The following ENPP1 variants were observed in gnomAD, a reference collection of about 807,000 sequenced individuals.
The protein encoded by ENPP1 is ectonucleotide pyrophosphatase/phosphodiesterase family member 1.
ENPP1 carries 73 observed loss-of-function variants against 122.8 expected under a neutral mutation model. The ratio of observed to expected loss-of-function variants is 0.59; its 90% CI spans 0.49 to 0.72. ENPP1 has a LOEUF of 0.72. Among genes scored for constraint, ENPP1 ranks in the 30% least tolerant of loss-of-function variants. The pLI is 0.00. For synonymous variants in ENPP1, 367 were observed against 391.6 expected, an observed-to-expected ratio of 0.94 and a Z score of 0.74; for missense variants, 978 against 1,128.1, an observed-to-expected ratio of 0.87 and a Z score of 1.91.
intron 21 of ENPP1, among the ~76,000 whole-genome samples, 198 bp from the exon 22 acceptor site, chr6:131,883,496 G>C (rs1189787519): frequency 6.6e-6 from 1 of 152,180 alleles, no homozygotes; most frequent in Non-Finnish European, 1.5e-5. Context: ...ATCTTGAAAA[G>C]ACTTCTTAAA....
At chr6:131,874,364 G>A (rs755441756) in intron 16 of ENPP1, 27 bp downstream of exon 16, 2 of 1,300,446 alleles carry the variant, frequency 1.5e-6, no homozygotes, top group Non-Finnish European at 2.2e-6. Flanking sequence ...TACTTAATTG[G>A]ATTAAATCTA....
At chr6:131,884,656 T>G (rs1398108011) in intron 22 of ENPP1, among the ~76,000 whole-genome samples, 1 of 152,130 alleles carries the variant, frequency 6.6e-6, no homozygotes, top group Non-Finnish European at 1.5e-5. Context: ...GCACCTGTAG[T>G]CCTAGCTATT....
chr6:131,842,438 C>T (rs1274211054), intron 1 of ENPP1, among the ~76,000 whole-genome samples: 1 of 151,990 alleles, frequency 6.6e-6, no homozygotes, highest in African/African-American at 2.4e-5. Context: ...GTTGTTGTTG[C>T]CTTTATTAGA....
intron 14 of ENPP1, 93 bp downstream of exon 14, chr6:131,872,194 G>C: frequency 1.1e-6 from 1 of 883,932 alleles, no homozygotes; most frequent in South Asian, 1.4e-5. Flanking sequence ...TGGGATTGAA[G>C]GATTAGAATA....
chr6:131,865,981 C>T (rs186549293), intron 11 of ENPP1, among the ~76,000 whole-genome samples: 9 of 143,780 alleles, frequency 6.3e-5, no homozygotes, highest in African/African-American at 1.9e-4. Flanking sequence ...GGGCACAGAG[C>T]GGGACTCTGT....
intron 1 of ENPP1, among the ~76,000 whole-genome samples, chr6:131,831,581 A>G (rs1781615124): frequency 6.6e-6 from 1 of 152,174 alleles, no homozygotes; most frequent in South Asian, 2.1e-4. Context: ...GACAGTTTTA[A>G]AGAGTATGAG....
intron 22 of ENPP1, 73 bp downstream of exon 22, chr6:131,883,847 A>T (rs1030292452): frequency 1.6e-5 from 13 of 799,506 alleles, no homozygotes; most frequent in Admixed American, 1.1e-4. Flanking sequence ...CATATGTAAT[A>T]GGACTTATGG....
In ENPP1 at chr6:131,860,579, T is replaced by C; in HGVS notation, c.915+73T>C. 3 of 1,178,770 alleles carry C rather than the reference T, an allele frequency of 2.5e-6. No individual in the cohort carries two copies. The Admixed American group carries it at 5.4e-5, about 21-fold the overall frequency. 73.0% of individuals were successfully genotyped at this position (1,178,770 alleles called of 1,614,324 possible). ...TTCAATCAGAGTAAAATAACCAGAT[T>C]CTCTAGAGCTTTTAATAACTGATTT... On this transcript the variant is annotated intron_variant, in intron 8 of 24. Transcript: ENST00000647893.
intron 24 of ENPP1, among the ~76,000 whole-genome samples, chr6:131,887,380 A>G (rs976324339): frequency 6.6e-6 from 1 of 150,906 alleles, no homozygotes; most frequent in Non-Finnish European, 1.5e-5. Context: ...TCAAGACTGC[A>G]TAACATTTTA....
At chr6:131,887,992 C>A (rs1222615350) in intron 24 of ENPP1, among the ~76,000 whole-genome samples, 2 of 151,010 alleles carry the variant, frequency 1.3e-5, no homozygotes, top group Non-Finnish European at 2.9e-5. Context: ...TCCCGAATAG[C>A]TGGGATTACA....
intron 24 of ENPP1, among the ~76,000 whole-genome samples, chr6:131,887,745 T>TTTTTTTTA (rs1782402648): frequency 6.8e-6 from 1 of 147,838 alleles, no homozygotes; most frequent in African/African-American, 2.5e-5. Flanking sequence ...TTTTTTTTTT[T>TTTTTTTTA]TAGTAGAGAT....
intron 14 of ENPP1, 81 bp from the exon 15 acceptor site, chr6:131,872,842 T>TA: frequency 7.3e-7 from 1 of 1,376,526 alleles, no homozygotes; most frequent in Non-Finnish European, 1.0e-6. Context: ...CTTTCCCTAA[T>TA]AAATATCTTT....
chr6:131,834,606 T>C (rs1042630387), intron 1 of ENPP1, among the ~76,000 whole-genome samples: 1 of 150,892 alleles, frequency 6.6e-6, no homozygotes, highest in Non-Finnish European at 1.5e-5. Context: ...TCTCAGCCCA[T>C]TGCAACCTCC....
At chr6:131,875,522 AT>A (rs1287747387) in intron 16 of ENPP1, among the ~76,000 whole-genome samples, 1 of 152,176 alleles carries the variant, frequency 6.6e-6, no homozygotes, top group Non-Finnish European at 1.5e-5. Flanking sequence ...TGAAAAAAAA[AT>A]GTTATCATTC....
At chr6:131,865,029 A>T (rs974475725) in intron 11 of ENPP1, 91 bp downstream of exon 11, 1 of 818,404 alleles carries the variant, frequency 1.2e-6, no homozygotes, top group Non-Finnish European at 2.2e-6. Flanking sequence ...ATTTTATAAG[A>T]TTCTATCATT....
intron 12 of ENPP1, among the ~76,000 whole-genome samples, chr6:131,868,724 G>A (rs376498215): frequency 1.3e-5 from 2 of 152,340 alleles, no homozygotes; most frequent in Non-Finnish European, 2.9e-5. Context: ...ACAGGCATTA[G>A]CCATCGTGCC....
intron 1 of ENPP1, among the ~76,000 whole-genome samples, chr6:131,823,190 A>T (rs9375826): frequency 6.6e-6 from 1 of 151,898 alleles, no homozygotes; most frequent in African/African-American, 2.4e-5. Context: ...AAATACATAC[A>T]TATCTATTTG....
chr6:131,864,944 T>C lies in ENPP1; in HGVS notation c.1164+6T>C, dbSNP rs1477976638. 2 of 1,550,212 alleles carry C rather than the reference T, an allele frequency of 1.3e-6. No homozygotes were observed. Among genetic ancestry groups the C allele is most frequent in the Non-Finnish European group, 1.8e-6 (2 of 1,121,872 alleles). Reference sequence around the variant, plus strand: ...ATGGACCAGTCAGCAGTGAAGTAAGTACATTTTTATCAGTAATTATTTCAT... The same window carrying C: ...ATGGACCAGTCAGCAGTGAAGTAAGCACATTTTTATCAGTAATTATTTCAT... On this transcript the variant is annotated splice_donor_region_variant and intron_variant, in intron 11 of 24. Transcript: ENST00000647893.
chr6:131,826,533 A>C (rs1268917298), intron 1 of ENPP1: 13 of 1,241,146 alleles, frequency 1.0e-5, no homozygotes, highest in Non-Finnish European at 1.5e-5. Context: ...CCACAGTTTT[A>C]AGGTTATTTT....
Sources: allele counts gnomAD v4.1 joint callset (sites outside exome capture counted in the v4.1 genomes callset), GRCh38; gene constraint gnomAD v4.1.1; transcripts MANE v1.5; gene names NCBI Gene and HGNC (gene_info 2026-07-23, HGNC 2026-07-21).